LINGO2: variants seen among roughly 807,000 people sequenced by gnomAD.
LINGO2 encodes the protein leucine rich repeat and Ig domain containing 2, also known as leucine-rich repeat and immunoglobulin-like domain-containing nogo receptor-interacting protein 2.
LINGO2 carries 14 observed loss-of-function variants against 30.6 expected under a neutral mutation model. That is an observed-to-expected ratio of 0.46 (90% CI 0.30 to 0.72). The LOEUF is 0.72. LINGO2 is among the 30% of genes least tolerant of loss of function. The probability of loss-of-function intolerance (pLI) is 0.07; values close to 1 mark genes in which losing one functional copy is unlikely to be tolerated. For synonymous variants in LINGO2, 317 were observed against 288.5 expected (o/e 1.10, Z -1.00); for missense variants, 729 against 751.7 (o/e 0.97, Z 0.35).
At chr9:28,676,331 ACT>A in the LINGO2 span, among the ~76,000 whole-genome samples, 16 of 151,990 alleles carry the variant, frequency 1.1e-4, no homozygotes, top group South Asian at 2.1e-4. Flanking sequence ...GAATAATTTG[ACT>A]CTGTCCTTCA....
chr9:28,753,574 C>T, the LINGO2 span, among the ~76,000 whole-genome samples: 1 of 151,940 alleles, frequency 6.6e-6, no homozygotes, highest in Non-Finnish European at 1.5e-5. Flanking sequence ...ATAGAGGGGT[C>T]ATGAGGGGAA....
intron 4 of LINGO2, among the ~76,000 whole-genome samples, chr9:28,254,637 T>C (rs564966536): frequency 3.6e-4 from 55 of 152,234 alleles, no homozygotes; most frequent in African/African-American, 1.2e-3. Flanking sequence ...TTAACTTATG[T>C]ATAAAGGTGC....
At chr9:28,402,004 A>AT (rs1442599962) in intron 2 of LINGO2, among the ~76,000 whole-genome samples, 3 of 151,892 alleles carry the variant, frequency 2.0e-5, no homozygotes, top group Non-Finnish European at 4.4e-5. Context: ...TTGTAAATAT[A>AT]TTTAAGTGTT....
At chr9:28,842,747 G>A in the LINGO2 span, among the ~76,000 whole-genome samples, 2 of 151,642 alleles carry the variant, frequency 1.3e-5, no homozygotes, top group African/African-American at 4.9e-5. Flanking sequence ...CTTATTTGTG[G>A]TTCCCATAGT....
chr9:28,223,478 A>T (rs955227987), intron 4 of LINGO2, among the ~76,000 whole-genome samples: 1 of 152,254 alleles, frequency 6.6e-6, no homozygotes, highest in Non-Finnish European at 1.5e-5. Context: ...TAACAGAGTT[A>T]CACTGGCCAT....
At chr9:28,570,078 T>C (rs1823605000) in intron 1 of LINGO2, among the ~76,000 whole-genome samples, 1 of 151,916 alleles carries the variant, frequency 6.6e-6, no homozygotes, top group Non-Finnish European at 1.5e-5. Flanking sequence ...GAAGGCTACA[T>C]ATTCAGAGAA....
the LINGO2 span, among the ~76,000 whole-genome samples, chr9:29,054,291 C>T: frequency 6.6e-6 from 1 of 152,150 alleles, no homozygotes; most frequent in African/African-American, 2.4e-5. Context: ...TATATTGTAT[C>T]ATGAAGCAGA....
chr9:28,321,468 G>A (rs1467627638), intron 3 of LINGO2, among the ~76,000 whole-genome samples: 1 of 152,194 alleles, frequency 6.6e-6, no homozygotes, highest in Non-Finnish European at 1.5e-5. Flanking sequence ...AGTCATAACA[G>A]TAATGGAGGG....
intron 4 of LINGO2, among the ~76,000 whole-genome samples, chr9:28,274,969 C>G (rs1049645526): frequency 2.0e-5 from 3 of 152,154 alleles, no homozygotes; most frequent in Non-Finnish European, 4.4e-5. Flanking sequence ...GTAGAGTAAG[C>G]CTTTATTGAT....
intron 3 of LINGO2, among the ~76,000 whole-genome samples, chr9:28,301,408 C>A (rs1824138250): frequency 6.6e-6 from 1 of 151,776 alleles, no homozygotes; most frequent in Non-Finnish European, 1.5e-5. Flanking sequence ...CCTAGAAATC[C>A]TTTCTAGTGG....
At chr9:28,315,595 GT>G (rs1824814811) in intron 3 of LINGO2, among the ~76,000 whole-genome samples, 2 of 151,976 alleles carry the variant, frequency 1.3e-5, no homozygotes, top group African/African-American at 4.8e-5. Flanking sequence ...TATTATCTAG[GT>G]TTTAATAAAA....
the LINGO2 span, among the ~76,000 whole-genome samples, chr9:29,094,468 C>A: frequency 3.6e-5 from 5 of 138,860 alleles, no homozygotes; most frequent in African/African-American, 1.3e-4. Context: ...TAACTCATGT[C>A]TTTTATAAAT....
chr9:28,890,045 A>C, the LINGO2 span, among the ~76,000 whole-genome samples: 6 of 152,032 alleles, frequency 3.9e-5, no homozygotes, highest in Non-Finnish European at 8.8e-5. Flanking sequence ...AATTTCATGC[A>C]CTCATGCTTG....
chr9:28,735,804 A>G, the LINGO2 span, among the ~76,000 whole-genome samples: 3 of 152,192 alleles, frequency 2.0e-5, no homozygotes, highest in East Asian at 5.8e-4. Flanking sequence ...GAGCTTCTAG[A>G]GATTATTAAG....
At chr9:28,222,996 A>G (rs1488491414) in intron 4 of LINGO2, among the ~76,000 whole-genome samples, 1 of 152,160 alleles carries the variant, frequency 6.6e-6, no homozygotes, top group Non-Finnish European at 1.5e-5. Context: ...TTCAAGATAC[A>G]GTCATGACTT....
chr9:29,009,488 T>A, the LINGO2 span, among the ~76,000 whole-genome samples: 3 of 152,120 alleles, frequency 2.0e-5, no homozygotes, highest in African/African-American at 4.8e-5. Context: ...GTGAAGGACC[T>A]CTTCAAGGAG....
chr9:28,138,346 T>C (rs1827574463), intron 4 of LINGO2, among the ~76,000 whole-genome samples: 1 of 152,232 alleles, frequency 6.6e-6, no homozygotes. Context: ...GACTATAAAA[T>C]GTGCTTTGTC....
At chr9:28,829,097 G>T in the LINGO2 span, among the ~76,000 whole-genome samples, 2 of 152,144 alleles carry the variant, frequency 1.3e-5, no homozygotes. Context: ...GCAGAGAGAA[G>T]AAGCTGTTGA....
chr9:28,784,750 G>C, the LINGO2 span, among the ~76,000 whole-genome samples: 1 of 152,024 alleles, frequency 6.6e-6, no homozygotes, highest in Admixed American at 6.6e-5. Context: ...TCAGGAGATC[G>C]AGACCATCCT....
Sources: gnomAD v4.1 joint callset for allele counts (sites outside exome capture counted in the v4.1 genomes callset) on GRCh38, gnomAD v4.1.1 for gene constraint, MANE v1.5 for transcripts, NCBI Gene and HGNC (gene_info 2026-07-23, HGNC 2026-07-21) for gene names.